Variants in FAM135A observed in about 807,000 individuals in gnomAD.
FAM135A encodes family with sequence similarity 135 member A, also known as protein FAM135A.
A neutral mutation model predicts 146.8 loss-of-function variants in FAM135A; 79 were observed. The ratio of observed to expected loss-of-function variants is 0.54; its 90% CI spans 0.45 to 0.65. The LOEUF (loss-of-function observed/expected upper bound fraction) is 0.65, where lower values mean the gene tolerates loss of function less well. FAM135A is among the 30% of genes least tolerant of loss of function. The pLI is 0.00. For missense variants in FAM135A, 1,623 were observed against 1,758.2 expected (o/e 0.92, Z 1.38); for synonymous variants, 562 against 603.6 (o/e 0.93, Z 1.01).
In FAM135A at chr6:70,525,412, G is replaced by A. The variant is rs778173623; in HGVS notation, c.2328G>A (p.Pro776=). 17 of 1,613,678 alleles carry A rather than the reference G, an allele frequency of 1.1e-5. No individual in the cohort carries two copies. The highest frequency in any genetic ancestry group is 2.7e-5 in the African/African-American group (2 of 75,030). The change falls in exon 15 of 22, where the codon CCG becomes CCA. Residue 776 remains proline, a synonymous_variant. Transcript: ENST00000418814. Reference sequence around the variant, plus strand: ...CAGATTCAGGTGTTGAAAGTGAACCGAGTTCTTTTGCGACACATCCAAACA... The same window carrying A: ...CAGATTCAGGTGTTGAAAGTGAACCAAGTTCTTTTGCGACACATCCAAACA... ...RFSDSGVESE[P]SSFATHPNTD...
chr6:70,462,155 A>G (rs571946039), intron 5 of FAM135A, among the ~76,000 whole-genome samples: 16 of 152,240 alleles, frequency 1.1e-4, no homozygotes, highest in African/African-American at 3.4e-4. Context: ...GTTGAATGAT[A>G]TGGTTTAACT....
chr6:70,519,122 A>C (rs1292996519), intron 12 of FAM135A, among the ~76,000 whole-genome samples: 1 of 152,232 alleles, frequency 6.6e-6, no homozygotes. Flanking sequence ...CAACATGAAC[A>C]GAAGTTTGGA....
rs188588580 is a variant in FAM135A at position 70,554,846 on chromosome 6, C to G, written c.4229-1904C>G. Among the ~76,000 whole-genome samples the G allele has an allele frequency of 3.4e-3, 520 of 152,224 alleles. 4 individuals carry two copies. Among genetic ancestry groups the G allele is most frequent in the Non-Finnish European group, 4.6e-3 (315 of 68,012 alleles). On this transcript the variant is annotated intron_variant, in intron 20 of 21. Transcript: ENST00000418814. Reference sequence around the variant, plus strand: ...TTCGCCATGTTGGCCAGGCTGGTCTCGAACTCCTGACCTCAGGTGATCCAC... The same window carrying G: ...TTCGCCATGTTGGCCAGGCTGGTCTGGAACTCCTGACCTCAGGTGATCCAC...
At chr6:70,543,605 C>G (rs1334831031) in intron 20 of FAM135A, among the ~76,000 whole-genome samples, 1 of 152,088 alleles carries the variant, frequency 6.6e-6, no homozygotes, top group Non-Finnish European at 1.5e-5. Flanking sequence ...CAAAATGAAA[C>G]ATGGCATATG....
At chr6:70,534,643 T>A (rs943137577) in intron 18 of FAM135A, among the ~76,000 whole-genome samples, 1 of 152,146 alleles carries the variant, frequency 6.6e-6, no homozygotes, top group Admixed American at 6.5e-5. Context: ...CTTTTGTGAG[T>A]CAGTTTTCCA....
chr6:70,432,606 A>T (rs545835624), intron 4 of FAM135A, among the ~76,000 whole-genome samples: 24 of 152,306 alleles, frequency 1.6e-4, no homozygotes, highest in African/African-American at 5.8e-4. Flanking sequence ...TGTTTTACTT[A>T]ACAGAGTATG....
chr6:70,426,101 C>G (rs868718784), intron 2 of FAM135A, among the ~76,000 whole-genome samples: 15 of 145,454 alleles, frequency 1.0e-4, no homozygotes, highest in Admixed American at 3.4e-4. Context: ...CAGAGCGAGA[C>G]TCCGTCTCAA....
At chr6:70,537,273 G>T (rs185813441) in intron 19 of FAM135A, among the ~76,000 whole-genome samples, 246 of 152,090 alleles carry the variant, frequency 1.6e-3, no homozygotes, top group Non-Finnish European at 2.6e-3. Context: ...TCCCTTAGAT[G>T]TTTGCAAAAA....
chr6:70,534,309 A>G (rs1049314396), intron 18 of FAM135A, among the ~76,000 whole-genome samples: 8 of 115,232 alleles, frequency 6.9e-5, no homozygotes, highest in East Asian at 4.6e-4. Context: ...CAAAGTTTGT[A>G]TACTTTTTTT....
chr6:70,512,371 T>C (rs1302155253), intron 12 of FAM135A, among the ~76,000 whole-genome samples: 1 of 151,924 alleles, frequency 6.6e-6, no homozygotes, highest in Non-Finnish European at 1.5e-5. Flanking sequence ...TTTCTATTGC[T>C]TACATACATA....
intron 20 of FAM135A, among the ~76,000 whole-genome samples, chr6:70,552,607 T>C (rs1389713023): frequency 6.6e-6 from 1 of 151,896 alleles, no homozygotes; most frequent in East Asian, 1.9e-4. Flanking sequence ...TAACTGGGAT[T>C]ACAGGTGCCT....
chr6:70,425,126 T>TAC lies in FAM135A; in HGVS notation c.-133-1301_-133-1300dup, dbSNP rs764196285. Among the ~76,000 whole-genome samples, 595 of 149,338 alleles carry TAC rather than the reference T, an allele frequency of 4.0e-3. 6 individuals carry two copies. Among genetic ancestry groups the TAC allele is most frequent in the African/African-American group, 0.014 (560 of 41,022 alleles). On this transcript the variant is annotated intron_variant, in intron 2 of 21. Coordinates refer to ENST00000418814, the MANE Select transcript of FAM135A (RefSeq NM_001162529.3). ...ATATTTATATATATAAAATACATAT[T>TAC]ACACACACACACAGAGTATACCTCT...
In FAM135A at chr6:70,560,817, T is replaced by G. The variant is rs1047803388; in HGVS notation, c.*896T>G. 1.2e-4 allele frequency: 18 copies of G among 152,682 alleles called. No homozygotes were observed. Among genetic ancestry groups the G allele is most frequent in the African/African-American group, 4.1e-4 (17 of 41,572 alleles). The allele number at this position is 152,682 out of a possible 1,614,324, so 9.5% of individuals were successfully genotyped here. Reference sequence around the variant, plus strand: ...GATAATTTTTAAATATTGTTAAAATTTATTGAACTAAAAAGTAATGTAAAT... The same window carrying G: ...GATAATTTTTAAATATTGTTAAAATGTATTGAACTAAAAAGTAATGTAAAT... On this transcript the variant is annotated 3_prime_UTR_variant, in exon 22 of 22. Coordinates refer to ENST00000418814, the MANE Select transcript of FAM135A (RefSeq NM_001162529.3).
chr6:70,509,866 C>T lies in FAM135A; in HGVS notation c.1029+7075C>T, dbSNP rs539844954. Among the ~76,000 whole-genome samples, 10 of 152,118 alleles carry T rather than the reference C, an allele frequency of 6.6e-5. No homozygotes were observed. The South Asian group carries it at 8.3e-4, about 13-fold the overall frequency. On this transcript the variant is annotated intron_variant, in intron 12 of 21. Transcript: ENST00000418814. ...CCATGAATTTGCAAAGTATTAAAAACGAAGTAAATTAAGACTTCAAACAAA... is the reference window on the plus strand; with the variant it reads ...CCATGAATTTGCAAAGTATTAAAAATGAAGTAAATTAAGACTTCAAACAAA...
chr6:70,441,778 G>C (rs902273324), intron 4 of FAM135A, among the ~76,000 whole-genome samples: 1 of 150,822 alleles, frequency 6.6e-6, no homozygotes, highest in Non-Finnish European at 1.5e-5. Flanking sequence ...TCTGCCTCCT[G>C]GGTTCAAGCG....
At chr6:70,442,010 A>G (rs750160467) in intron 4 of FAM135A, among the ~76,000 whole-genome samples, 2 of 152,172 alleles carry the variant, frequency 1.3e-5, no homozygotes, top group Admixed American at 6.5e-5. Flanking sequence ...AGAAAAATGC[A>G]TCATTAATGT....
chr6:70,493,181 A>G (rs967087947), intron 11 of FAM135A, among the ~76,000 whole-genome samples: 2 of 152,238 alleles, frequency 1.3e-5, no homozygotes, highest in Middle Eastern at 6.8e-3. Context: ...TCTTCAAGAT[A>G]TATTAATTGA....
intron 10 of FAM135A, among the ~76,000 whole-genome samples, chr6:70,490,809 G>A (rs1323324531): frequency 6.6e-6 from 1 of 151,934 alleles, no homozygotes; most frequent in Non-Finnish European, 1.5e-5. Flanking sequence ...TTCCTTGACA[G>A]TGTTAACTCT....
At chr6:70,448,118 G>A (rs560797706) in intron 4 of FAM135A, among the ~76,000 whole-genome samples, 3 of 152,064 alleles carry the variant, frequency 2.0e-5, no homozygotes, top group Non-Finnish European at 2.9e-5. Context: ...AACTAAGAGC[G>A]GTTATTCAAG....
Sources: allele counts gnomAD v4.1 joint callset (sites outside exome capture counted in the v4.1 genomes callset), GRCh38; gene constraint gnomAD v4.1.1; transcripts MANE v1.5; gene names NCBI Gene and HGNC (gene_info 2026-07-23, HGNC 2026-07-21).